Variants in PRTFDC1 observed in about 807,000 individuals in gnomAD.
PRTFDC1 encodes phosphoribosyl transferase domain containing 1, also known as phosphoribosyltransferase domain-containing protein 1.
A neutral mutation model predicts 34.6 loss-of-function variants in PRTFDC1; 38 were observed. The observed-to-expected ratio is 1.10, with a 90% CI of 0.85 to 1.44. The LOEUF (loss-of-function observed/expected upper bound fraction) is 1.44, where lower values mean the gene tolerates loss of function less well. Ranked by LOEUF, PRTFDC1 falls within the 40% of genes most tolerant of loss-of-function variation. PRTFDC1 has a pLI of 0.00. For missense variants in PRTFDC1, 270 were observed against 283.0 expected, an observed-to-expected ratio of 0.95 and a Z score of 0.33; for synonymous variants, 93 against 98.1, an observed-to-expected ratio of 0.95 and a Z score of 0.31.
At position 24,849,964 on chromosome 10, in the gene PRTFDC1, T is replaced by C; in HGVS notation, c.631-73A>G. ...AGACACAGAAAAGGTGATGCAGTAA[T>C]AACCGAATGCCATCCTGTAATTGGC... On this transcript the variant is annotated intron_variant, in intron 8 of 8. Transcript: ENST00000320152. 2.9e-6 allele frequency: 4 copies of C among 1,382,140 alleles called. No homozygotes were observed. In the South Asian group the frequency reaches 4.6e-5, roughly 16 times the overall value. The allele number at this position is 1,382,140 out of a possible 1,614,324, so 85.6% of individuals were successfully genotyped here.
At chr10:24,873,028 G>A (rs989859446) in intron 3 of PRTFDC1, among the ~76,000 whole-genome samples, 1 of 151,584 alleles carries the variant, frequency 6.6e-6, no homozygotes, top group East Asian at 1.9e-4. Context: ...GTCTTGCTAT[G>A]TTGTCCAGAC....
At chr10:24,884,710 T>A (rs1848135184) in intron 3 of PRTFDC1, among the ~76,000 whole-genome samples, 1 of 152,054 alleles carries the variant, frequency 6.6e-6, no homozygotes, top group South Asian at 2.1e-4. Context: ...CTTTGCAGGG[T>A]AGAGTTAGGG....
intron 3 of PRTFDC1, among the ~76,000 whole-genome samples, chr10:24,906,656 G>A (rs1247299048): frequency 1.3e-5 from 2 of 152,174 alleles, no homozygotes; most frequent in Non-Finnish European, 2.9e-5. Flanking sequence ...TTCTGCTAAG[G>A]GACCAGTTAA....
At chr10:24,866,932 A>G (rs559991791) in intron 4 of PRTFDC1, among the ~76,000 whole-genome samples, 1 of 152,084 alleles carries the variant, frequency 6.6e-6, no homozygotes, top group Non-Finnish European at 1.5e-5. Flanking sequence ...CAAGGAAGAG[A>G]TGAGAAAGAA....
intron 3 of PRTFDC1, among the ~76,000 whole-genome samples, chr10:24,872,440 G>C (rs1420765776): frequency 6.6e-6 from 1 of 152,150 alleles, no homozygotes; most frequent in Non-Finnish European, 1.5e-5. Context: ...GTATGTGTCA[G>C]CTTTGCCACC....
At chr10:24,951,966 G>A (rs1169407830) in intron 1 of PRTFDC1, among the ~76,000 whole-genome samples, 2 of 152,194 alleles carry the variant, frequency 1.3e-5, no homozygotes, top group East Asian at 1.9e-4. Context: ...CTCAGGAGCC[G>A]CCAGCGTGTC....
chr10:24,858,853 C>T (rs1456237062), intron 4 of PRTFDC1, among the ~76,000 whole-genome samples: 1 of 152,102 alleles, frequency 6.6e-6, no homozygotes, highest in East Asian at 1.9e-4. Flanking sequence ...TGCACAGCCA[C>T]GAAAATCCCT....
intron 3 of PRTFDC1, among the ~76,000 whole-genome samples, chr10:24,880,943 T>C (rs1848068523): frequency 1.3e-5 from 2 of 151,024 alleles, no homozygotes; most frequent in South Asian, 4.2e-4. Context: ...CCTTTCTTTC[T>C]TTCCTTCCTT....
intron 1 of PRTFDC1, among the ~76,000 whole-genome samples, chr10:24,948,086 A>G (rs1219798151): frequency 6.6e-6 from 1 of 152,108 alleles, no homozygotes; most frequent in African/African-American, 2.4e-5. Flanking sequence ...TGTGCTTTCG[A>G]TGGATTACTT....
At chr10:24,936,367 C>T (rs1282909755) in intron 3 of PRTFDC1, among the ~76,000 whole-genome samples, 1 of 151,692 alleles carries the variant, frequency 6.6e-6, no homozygotes, top group Non-Finnish European at 1.5e-5. Context: ...CAGCCTCTGT[C>T]TCCTGGGCTC....
chr10:24,856,892 T>C (rs1363041849), intron 6 of PRTFDC1, 21 bp downstream of exon 6: 2 of 1,576,344 alleles, frequency 1.3e-6, no homozygotes, highest in Non-Finnish European at 8.7e-7. Flanking sequence ...GAAATCACCA[T>C]GCTATGAATG....
chr10:24,856,919 A>G lies in PRTFDC1; in HGVS notation c.500T>C (p.Val167Ala). The G allele has an allele frequency of 6.2e-7, 1 of 1,610,646 alleles. No homozygotes were observed. The highest frequency in any genetic ancestry group is 8.5e-7 in the Non-Finnish European group (1 of 1,176,820). Reference protein sequence around the residue: ...IEKYKPNMIKVASLLVKRTSR... With the variant: ...IEKYKPNMIKAASLLVKRTSR... ...CTATGAATGTCCAACTCACCTGGCTACCTTAATCATGTTGGGCTTGTATTT... is the reference window on the plus strand; with the variant it reads ...CTATGAATGTCCAACTCACCTGGCTGCCTTAATCATGTTGGGCTTGTATTT... Residue 167 changes from valine to alanine, a missense_variant, in exon 6 of 9, where the codon GTA becomes GCA. Transcript: ENST00000320152.
chr10:24,908,576 C>CA, intron 3 of PRTFDC1: 1 of 1,612,832 alleles, frequency 6.2e-7, no homozygotes, highest in Non-Finnish European at 8.5e-7. Flanking sequence ...GTAACCTCTC[C>CA]AGAGGGTATT....
chr10:24,865,787 G>A (rs1468335508), intron 4 of PRTFDC1, among the ~76,000 whole-genome samples: 1 of 152,132 alleles, frequency 6.6e-6, no homozygotes, highest in Admixed American at 6.5e-5. Flanking sequence ...TTTGGTGGCC[G>A]TGATCACACT....
chr10:24,849,785 C>T lies in PRTFDC1; in HGVS notation c.*59G>A, dbSNP rs1332351742. On this transcript the variant is annotated 3_prime_UTR_variant, in exon 9 of 9. Coordinates refer to ENST00000320152, the MANE Select transcript of PRTFDC1 (RefSeq NM_020200.7). Reference sequence around the variant, plus strand: ...GGGGGACAAACTTGACAGCTGGCTTCCCAAGTACAGGCGTAAATATGATGC... The same window carrying T: ...GGGGGACAAACTTGACAGCTGGCTTTCCAAGTACAGGCGTAAATATGATGC... The T allele has an allele frequency of 6.4e-7, 1 of 1,557,048 alleles. No homozygotes were observed. Among genetic ancestry groups the T allele is most frequent in the Non-Finnish European group, 8.8e-7 (1 of 1,129,996 alleles).
intron 3 of PRTFDC1, among the ~76,000 whole-genome samples, chr10:24,883,404 G>T (rs1848113166): frequency 6.6e-6 from 1 of 152,102 alleles, no homozygotes; most frequent in South Asian, 2.1e-4. Flanking sequence ...TAAAGGGAGG[G>T]TGGGTCAGAA....
chr10:24,905,407 C>T (rs1162266182), intron 3 of PRTFDC1, among the ~76,000 whole-genome samples: 4 of 149,706 alleles, frequency 2.7e-5, no homozygotes, highest in South Asian at 4.2e-4. Context: ...CTGCAACCTC[C>T]GACTCCCTGG....
intron 3 of PRTFDC1, among the ~76,000 whole-genome samples, chr10:24,935,030 G>A (rs117835622): frequency 6.6e-6 from 1 of 152,108 alleles, no homozygotes; most frequent in African/African-American, 2.4e-5. Context: ...ACGTATCTGT[G>A]GTTTCCAGGG....
At chr10:24,854,329 G>A (rs1050571920) in intron 7 of PRTFDC1, among the ~76,000 whole-genome samples, 2 of 152,132 alleles carry the variant, frequency 1.3e-5, no homozygotes, top group Middle Eastern at 3.2e-3. Context: ...GAGAACATGC[G>A]ATTGGGTCTC....
Sources: allele counts gnomAD v4.1 joint callset (sites outside exome capture counted in the v4.1 genomes callset), GRCh38; gene constraint gnomAD v4.1.1; transcripts MANE v1.5; gene names NCBI Gene and HGNC (gene_info 2026-07-23, HGNC 2026-07-21).